PDE10A: variants seen among roughly 807,000 people sequenced by gnomAD.
PDE10A encodes the protein cAMP and cAMP-inhibited cGMP 3',5'-cyclic phosphodiesterase 10A.
PDE10A carries 39 observed loss-of-function variants against 97.7 expected under a neutral mutation model. The ratio of observed to expected loss-of-function variants is 0.40; its 90% CI spans 0.31 to 0.52. The LOEUF (loss-of-function observed/expected upper bound fraction) is 0.52. PDE10A is among the 20% of genes least tolerant of loss of function. The pLI is 0.56. For missense variants in PDE10A, 731 were observed against 1,047.8 expected (o/e 0.70, Z 4.17); for synonymous variants, 371 against 376.8 (o/e 0.98, Z 0.18).
intron 2 of PDE10A, among the ~76,000 whole-genome samples, chr6:165,503,785 AC>A (rs1211778721): frequency 6.6e-6 from 1 of 152,188 alleles, no homozygotes; most frequent in Non-Finnish European, 1.5e-5. Context: ...TATCTATAAG[AC>A]CAAGTATCCA....
chr6:165,510,394 A>G (rs1044701802), intron 2 of PDE10A, among the ~76,000 whole-genome samples: 4 of 151,956 alleles, frequency 2.6e-5, no homozygotes, highest in African/African-American at 9.7e-5. Flanking sequence ...ATTGTAGTGT[A>G]TTACCTTTTT....
intron 1 of PDE10A, among the ~76,000 whole-genome samples, chr6:165,591,463 G>A (rs530275640): frequency 3.3e-5 from 5 of 152,268 alleles, no homozygotes; most frequent in Non-Finnish European, 7.4e-5. Context: ...TGTAAAATCT[G>A]TCAGTCCCGG....
At chr6:165,860,071 G>T (rs541570183) in intron 1 of PDE10A, among the ~76,000 whole-genome samples, 32 of 152,248 alleles carry the variant, frequency 2.1e-4, no homozygotes, top group African/African-American at 6.3e-4. Flanking sequence ...GGGATAAAAG[G>T]CTACAAATTG....
intron 1 of PDE10A, among the ~76,000 whole-genome samples, chr6:165,912,158 ACT>A (rs915198382): frequency 3.3e-5 from 5 of 150,122 alleles, no homozygotes; most frequent in East Asian, 2.0e-4. Flanking sequence ...TAACTATCTA[ACT>A]CTCTCTCTCT....
intron 1 of PDE10A, among the ~76,000 whole-genome samples, chr6:165,943,702 T>C (rs1032315665): frequency 6.6e-6 from 1 of 152,224 alleles, no homozygotes; most frequent in Admixed American, 6.5e-5. Context: ...ATGCCTGCCA[T>C]GTTGGTGAAG....
chr6:165,591,070 T>G (rs1335628783), intron 1 of PDE10A, among the ~76,000 whole-genome samples: 1 of 151,946 alleles, frequency 6.6e-6, no homozygotes, highest in African/African-American at 2.4e-5. Context: ...ATTTGGATCA[T>G]AAGAACAGCA....
chr6:165,850,863 G>C (rs1185446960), intron 1 of PDE10A, among the ~76,000 whole-genome samples: 1 of 151,988 alleles, frequency 6.6e-6, no homozygotes, highest in Non-Finnish European at 1.5e-5. Flanking sequence ...AAAATATTTG[G>C]TGACATTAAA....
At chr6:165,731,039 G>A (rs1408632401) in intron 1 of PDE10A, among the ~76,000 whole-genome samples, 1 of 152,140 alleles carries the variant, frequency 6.6e-6, no homozygotes, top group Non-Finnish European at 1.5e-5. Flanking sequence ...GTGAGACTCC[G>A]TCTCAAAAAC....
At chr6:165,605,607 G>GCTC (rs928586733) in intron 1 of PDE10A, among the ~76,000 whole-genome samples, 1 of 151,684 alleles carries the variant, frequency 6.6e-6, no homozygotes, top group African/African-American at 2.4e-5. Flanking sequence ...CAAGTTTCTG[G>GCTC]CTCCTTCCTT....
At chr6:165,353,960 C>T (rs975602227) in intron 18 of PDE10A, among the ~76,000 whole-genome samples, 1 of 152,132 alleles carries the variant, frequency 6.6e-6, no homozygotes, top group African/African-American at 2.4e-5. Flanking sequence ...GGGAAGTTGT[C>T]CATGTGTGGG....
chr6:165,805,106 C>T (rs1437649915), intron 1 of PDE10A, among the ~76,000 whole-genome samples: 1 of 141,800 alleles, frequency 7.1e-6, no homozygotes, highest in Non-Finnish European at 1.5e-5. Context: ...TGGGGTCGAG[C>T]AGAGGGGCGC....
intron 1 of PDE10A, chr6:165,718,210 T>C (rs1485986840): frequency 1.3e-5 from 2 of 152,324 alleles, no homozygotes; most frequent in East Asian, 3.9e-4. Context: ...AAGAGTTGCA[T>C]AGTGGTCCAT....
intron 9 of PDE10A, among the ~76,000 whole-genome samples, chr6:165,429,848 G>C (rs988424934): frequency 2.0e-5 from 3 of 151,808 alleles, no homozygotes; most frequent in African/African-American, 7.3e-5. Flanking sequence ...TCTCAGAAAT[G>C]ATAACTGAGA....
intron 1 of PDE10A, among the ~76,000 whole-genome samples, chr6:165,629,760 G>A (rs558707286): frequency 2.8e-4 from 43 of 152,040 alleles, no homozygotes; most frequent in Non-Finnish European, 4.9e-4. Context: ...TCTTCAACTC[G>A]TGGGCTCAGG....
chr6:165,840,985 AG>A (rs1780242311), intron 1 of PDE10A, among the ~76,000 whole-genome samples: 1 of 152,248 alleles, frequency 6.6e-6, no homozygotes, highest in African/African-American at 2.4e-5. Flanking sequence ...CTCTTAATAG[AG>A]GATTCAAATG....
At chr6:165,401,110 T>G (rs1398481563) in intron 13 of PDE10A, among the ~76,000 whole-genome samples, 1 of 152,190 alleles carries the variant, frequency 6.6e-6, no homozygotes, top group Non-Finnish European at 1.5e-5. Flanking sequence ...GATGGTTTCA[T>G]GGGTATGTGT....
At chr6:165,824,749 C>T (rs764302525) in intron 1 of PDE10A, among the ~76,000 whole-genome samples, 1 of 152,020 alleles carries the variant, frequency 6.6e-6, no homozygotes, top group African/African-American at 2.4e-5. Flanking sequence ...TCAGGACAAT[C>T]TATTGTATAT....
intron 1 of PDE10A, among the ~76,000 whole-genome samples, chr6:165,675,528 A>T (rs917686576): frequency 6.6e-6 from 1 of 152,208 alleles, no homozygotes; most frequent in Admixed American, 6.5e-5. Context: ...TTTAAAATAG[A>T]CGTACAAATA....
chr6:165,523,949 T>G (rs749729131), intron 2 of PDE10A, among the ~76,000 whole-genome samples: 7 of 152,180 alleles, frequency 4.6e-5, no homozygotes, highest in African/African-American at 1.2e-4. Flanking sequence ...GGGCCCACTC[T>G]TAATAAGGTG....
Sources: gnomAD v4.1 joint callset for allele counts (sites outside exome capture counted in the v4.1 genomes callset) on GRCh38, gnomAD v4.1.1 for gene constraint, MANE v1.5 for transcripts, NCBI Gene and HGNC (gene_info 2026-07-23, HGNC 2026-07-21) for gene names.